CHL1: variants seen among roughly 807,000 people sequenced by gnomAD.
CHL1 encodes cell adhesion molecule L1 like.
Under a neutral mutation model 141.9 loss-of-function variants are expected in CHL1, and 96 were observed. The ratio of observed to expected loss-of-function variants is 0.68; its 90% CI spans 0.57 to 0.80. The LOEUF (loss-of-function observed/expected upper bound fraction) is 0.80, where lower values mean the gene tolerates loss of function less well. Among genes scored for constraint, CHL1 ranks in the 30% least tolerant of loss-of-function variants. The probability of loss-of-function intolerance (pLI) is 0.00; values close to 1 mark genes in which losing one functional copy is unlikely to be tolerated. For synonymous variants in CHL1, 613 were observed against 502.2 expected (o/e 1.22, Z -2.95); for missense variants, 1,820 against 1,457.2 (o/e 1.25, Z -4.05).
chr3:269,330 A>G (rs1269835576), intron 2 of CHL1, among the ~76,000 whole-genome samples: 1 of 152,190 alleles, frequency 6.6e-6, no homozygotes, highest in African/African-American at 2.4e-5. Context: ...TGCACGTGAA[A>G]GAAGGAGACT....
intron 2 of CHL1, among the ~76,000 whole-genome samples, chr3:261,430 G>C (rs1182894741): frequency 3.9e-5 from 6 of 152,068 alleles, no homozygotes; most frequent in Admixed American, 2.0e-4. Flanking sequence ...CTATTATGAA[G>C]CATCGTGGAA....
intron 2 of CHL1, among the ~76,000 whole-genome samples, chr3:304,053 C>G (rs986483422): frequency 2.0e-5 from 3 of 152,154 alleles, no homozygotes; most frequent in Admixed American, 6.5e-5. Context: ...GTTGAACCAG[C>G]CTTGCATCCC....
At chr3:280,323 T>C (rs992701148) in intron 2 of CHL1, among the ~76,000 whole-genome samples, 1 of 152,076 alleles carries the variant, frequency 6.6e-6, no homozygotes, top group African/African-American at 2.4e-5. Flanking sequence ...ATGGTAGCTA[T>C]ACCATTTTCT....
Position 300,382 on chromosome 3 carries a change from G to A in CHL1, c.-94-19301G>A, listed in dbSNP as rs557771852. The stretch of plus-strand genomic sequence containing the variant: ...AGGAACTGGCTCTGATGCAAACAGA[G>A]GTGATGGGATAGAAGACATGGATTT... On this transcript the variant is annotated intron_variant, in intron 2 of 27. Coordinates refer to ENST00000256509, the MANE Select transcript of CHL1 (RefSeq NM_006614.4). 1.5e-3 allele frequency among the ~76,000 whole-genome samples: 223 copies of A among 152,256 alleles called. 1 individual carries two copies. The highest frequency in any genetic ancestry group is 5.1e-3 in the African/African-American group (212 of 41,560).
At chr3:347,152 C>G (rs1397349826) in intron 9 of CHL1, among the ~76,000 whole-genome samples, 1 of 152,052 alleles carries the variant, frequency 6.6e-6, no homozygotes, top group Admixed American at 6.6e-5. Flanking sequence ...CTCATGTGCA[C>G]TGCTCAAATA....
intron 15 of CHL1, among the ~76,000 whole-genome samples, chr3:371,347 T>C (rs1036836112): frequency 1.3e-5 from 2 of 152,188 alleles, no homozygotes; most frequent in Non-Finnish European, 2.9e-5. Flanking sequence ...TTGTTCCCTT[T>C]ACCACTATGT....
intron 11 of CHL1, 72 bp downstream of exon 11, chr3:354,843 G>A: frequency 6.4e-7 from 1 of 1,560,288 alleles, no homozygotes. Context: ...GGTCAGACGT[G>A]TGTAAAATGA....
Position 340,661 on chromosome 3 carries a change from G to A in CHL1, c.386-133G>A, listed in dbSNP as rs73817631. On this transcript the variant is annotated intron_variant, in intron 5 of 27. Coordinates refer to ENST00000256509, the MANE Select transcript of CHL1 (RefSeq NM_006614.4). The stretch of plus-strand genomic sequence containing the variant: ...TAGTATTTAACTCTGAAGGGGAGAT[G>A]TAAGAACCAGGATCTGTAGCATAGA... The A allele has an allele frequency of 1.3e-3, 909 of 718,408 alleles. 6 individuals carry two copies. The African/African-American group carries it at 0.015, about 12-fold the overall frequency. 44.5% of individuals were successfully genotyped at this position (718,408 alleles called of 1,614,324 possible). A position where few individuals can be genotyped will look rare whatever the true frequency, so the allele number is the denominator to read the frequency against.
chr3:293,426 C>T (rs576161043), intron 2 of CHL1, among the ~76,000 whole-genome samples: 5 of 152,006 alleles, frequency 3.3e-5, no homozygotes, highest in African/African-American at 4.8e-5. Flanking sequence ...TCGCTTCAAC[C>T]GGGGAGGTGA....
chr3:269,897 G>C lies in CHL1; in HGVS notation c.-95+25205G>C, dbSNP rs112781088. 5.6e-3 allele frequency among the ~76,000 whole-genome samples: 859 copies of C among 152,230 alleles called. 6 individuals are homozygous for C. The highest frequency in any genetic ancestry group is 0.014 in the Middle Eastern group (4 of 294). On this transcript the variant is annotated intron_variant, in intron 2 of 27. Coordinates refer to ENST00000256509, the MANE Select transcript of CHL1 (RefSeq NM_006614.4). ...CCTCATCTAAGGGGGTTGGTAACAG[G>C]CTACAGTGACAAAAGCAGCAAGAGG...
chr3:219,856 A>C (rs1047519208), intron 1 of CHL1, among the ~76,000 whole-genome samples: 5 of 152,214 alleles, frequency 3.3e-5, no homozygotes, highest in Non-Finnish European at 5.9e-5. Flanking sequence ...TTTAAAAAAG[A>C]GAACACATTT....
chr3:311,098 G>A (rs1252675169), intron 2 of CHL1, among the ~76,000 whole-genome samples: 1 of 152,114 alleles, frequency 6.6e-6, no homozygotes, highest in Non-Finnish European at 1.5e-5. Flanking sequence ...TCTGGACACA[G>A]TATAGTTTAT....
intron 5 of CHL1, among the ~76,000 whole-genome samples, chr3:334,999 G>A (rs1460059484): frequency 6.6e-6 from 1 of 152,204 alleles, no homozygotes; most frequent in East Asian, 1.9e-4. Context: ...TCTACGAAAT[G>A]TCTGACAAAG....
At chr3:303,492 G>C (rs931781986) in intron 2 of CHL1, among the ~76,000 whole-genome samples, 1 of 152,124 alleles carries the variant, frequency 6.6e-6, no homozygotes, top group African/African-American at 2.4e-5. Context: ...TATTATCTCA[G>C]TAGCAATTGT....
At chr3:330,682 G>A (rs1419484139) in intron 5 of CHL1, among the ~76,000 whole-genome samples, 1 of 152,036 alleles carries the variant, frequency 6.6e-6, no homozygotes, top group Non-Finnish European at 1.5e-5. Context: ...AAATCAGAAC[G>A]CCTATAGTTT....
At chr3:288,147 A>G (rs1002907323) in intron 2 of CHL1, among the ~76,000 whole-genome samples, 2 of 152,220 alleles carry the variant, frequency 1.3e-5, no homozygotes, top group African/African-American at 4.8e-5. Flanking sequence ...AGGATGAAAC[A>G]AAGCTAATTT....
At chr3:301,745 G>A (rs679316) in intron 2 of CHL1, among the ~76,000 whole-genome samples, 1,864 of 152,174 alleles carry the variant, frequency 0.012, 44 homozygotes, top group African/African-American at 0.043. Context: ...CCGGAAAGAA[G>A]ACACTCTTTT....
At chr3:198,078 G>A (rs925152748) in intron 1 of CHL1, 9 of 293,716 alleles carry the variant, frequency 3.1e-5, no homozygotes, top group African/African-American at 1.8e-4. Flanking sequence ...AGGAGCAGCA[G>A]CCGCGCGGGC....
chr3:375,492 T>C (rs867400354), intron 15 of CHL1, among the ~76,000 whole-genome samples: 1 of 151,772 alleles, frequency 6.6e-6, no homozygotes, highest in South Asian at 2.1e-4. Context: ...GATGCAAAGA[T>C]GAAGATGCAG....
Sources: gnomAD v4.1 joint callset for allele counts (sites outside exome capture counted in the v4.1 genomes callset) on GRCh38, gnomAD v4.1.1 for gene constraint, MANE v1.5 for transcripts, NCBI Gene and HGNC (gene_info 2026-07-23, HGNC 2026-07-21) for gene names.